The following HEATR3 variants were observed in gnomAD, a reference collection of about 807,000 sequenced individuals.
The protein encoded by HEATR3 is HEAT repeat-containing protein 3.
A neutral mutation model predicts 72.8 loss-of-function variants in HEATR3; 56 were observed. The ratio of observed to expected loss-of-function variants is 0.77; its 90% confidence interval spans 0.62 to 0.96. The LOEUF (loss-of-function observed/expected upper bound fraction) is 0.96. HEATR3 is among the 40% of genes least tolerant of loss of function. The probability of loss-of-function intolerance (pLI) is 0.00; values close to 1 mark genes in which losing one functional copy is unlikely to be tolerated. For missense variants in HEATR3, 747 were observed against 831.4 expected (o/e 0.90, Z 1.25); for synonymous variants, 331 against 318.1 (o/e 1.04, Z -0.43).
At chr16:50,082,745 G>C (rs1597153381) in intron 7 of HEATR3, among the ~76,000 whole-genome samples, 1 of 130,658 alleles carries the variant, frequency 7.7e-6, no homozygotes, top group Non-Finnish European at 1.6e-5. Context: ...AATATACTGA[G>C]ACCCCATCTC....
Position 50,078,907 on chromosome 16 carries a change from G to GAAA in HEATR3, c.930_931insAAA (p.Glu310_Glu311insLys). 1 of 1,614,040 alleles carries GAAA rather than the reference G, an allele frequency of 6.2e-7. No individual in the cohort carries two copies. The highest frequency in any genetic ancestry group is 8.5e-7 in the Non-Finnish European group (1 of 1,180,012). ...GGTTAAAAACTGCTGCAGAGGCTGA[G>GAAA]GAAATATTAGAGAACACTAATGGGG... On this transcript the variant is annotated inframe_insertion, in exon 7 of 15. Transcript: ENST00000299192.
At chr16:50,104,038 A>G (rs997214936) in intron 14 of HEATR3, among the ~76,000 whole-genome samples, 1 of 151,330 alleles carries the variant, frequency 6.6e-6, no homozygotes, top group African/African-American at 2.4e-5. Context: ...CTCTATTAAA[A>G]ACAAAAAACA....
At chr16:50,092,436 C>CTTTTTTCTTTT (rs55971965) in intron 11 of HEATR3, among the ~76,000 whole-genome samples, 9 of 106,028 alleles carry the variant, frequency 8.5e-5, no homozygotes, top group Non-Finnish European at 1.2e-4. Flanking sequence ...TTTCTTTTTT[C>CTTTTTTCTTTT]TTTTTTTTTT....
Position 50,066,368 on chromosome 16 carries a change from TC to T in HEATR3, c.142del (p.Gln48SerfsTer42). ...GACCCTTTTCGCTCTCATCCGCAGC[TC>T]CAGCACCCGAGCGCCGAGGTCCGCG... ...DGPAAELLEK[L>X]QHPSAEVREC... On this transcript the variant is annotated frameshift_variant and splice_region_variant, in exon 2 of 15. Coordinates refer to ENST00000299192, the MANE Select transcript of HEATR3 (RefSeq NM_182922.4). LOFTEE classifies it high-confidence loss of function. 1 of 1,549,116 alleles carries T rather than the reference TC, an allele frequency of 6.5e-7. No homozygotes were observed. The highest frequency in any genetic ancestry group is 8.6e-7 in the Non-Finnish European group (1 of 1,158,736).
At chr16:50,070,490 G>A (rs373542789) in intron 4 of HEATR3, among the ~76,000 whole-genome samples, 200 bp downstream of exon 4, 2 of 151,976 alleles carry the variant, frequency 1.3e-5, no homozygotes, top group Admixed American at 6.6e-5. Flanking sequence ...ACTTGAGGTC[G>A]GGAGTTTGAG....
intron 14 of HEATR3, 28 bp from the exon 15 acceptor site, chr16:50,104,909 CAT>C: frequency 6.5e-7 from 1 of 1,540,270 alleles, no homozygotes; most frequent in Non-Finnish European, 8.8e-7. Context: ...TCTACCAAGT[CAT>C]ATATGATTTT....
At chr16:50,104,460 A>C (rs906366704) in intron 14 of HEATR3, among the ~76,000 whole-genome samples, 1 of 151,972 alleles carries the variant, frequency 6.6e-6, no homozygotes, top group Non-Finnish European at 1.5e-5. Flanking sequence ...GAACTCCTGG[A>C]CTCAAGCAAA....
chr16:50,079,579 C>T (rs2036820333), intron 7 of HEATR3, among the ~76,000 whole-genome samples: 1 of 152,208 alleles, frequency 6.6e-6, no homozygotes, highest in Admixed American at 6.5e-5. Context: ...GGGGAACAAT[C>T]TTGGGTGCAG....
At chr16:50,087,855 G>T (rs569970010) in intron 11 of HEATR3, among the ~76,000 whole-genome samples, 1 of 152,134 alleles carries the variant, frequency 6.6e-6, no homozygotes, top group Non-Finnish European at 1.5e-5. Flanking sequence ...GGCCAGGCGC[G>T]GTGGCTCACA....
At chr16:50,072,756 C>T (rs771609451) in intron 5 of HEATR3, 42 bp downstream of exon 5, 1 of 1,260,824 alleles carries the variant, frequency 7.9e-7, no homozygotes, top group East Asian at 2.3e-5. Flanking sequence ...AATGTGTAGC[C>T]TTATTCAAAA....
intron 7 of HEATR3, among the ~76,000 whole-genome samples, chr16:50,080,770 C>A (rs546223399): frequency 6.6e-6 from 1 of 152,188 alleles, no homozygotes; most frequent in Non-Finnish European, 1.5e-5. Flanking sequence ...GGTACCCAAC[C>A]TGTTTCATAC....
intron 4 of HEATR3, among the ~76,000 whole-genome samples, chr16:50,071,714 G>T (rs1409098079): frequency 6.6e-6 from 1 of 152,142 alleles, no homozygotes; most frequent in African/African-American, 2.4e-5. Context: ...GTAGATAGAA[G>T]ATATGAAATA....
intron 7 of HEATR3, chr16:50,080,151 A>G (rs1013672744): frequency 1.3e-5 from 2 of 152,192 alleles, no homozygotes; most frequent in Non-Finnish European, 2.9e-5. Flanking sequence ...GGAGGCAATC[A>G]TGTCCTCTCA....
intron 4 of HEATR3, among the ~76,000 whole-genome samples, chr16:50,071,380 G>A (rs1477164931): frequency 6.6e-6 from 1 of 152,162 alleles, no homozygotes; most frequent in African/African-American, 2.4e-5. Flanking sequence ...AGAAATATTA[G>A]AGAGATCAGA....
At chr16:50,076,127 A>G (rs910942264) in intron 6 of HEATR3, among the ~76,000 whole-genome samples, 13 of 150,516 alleles carry the variant, frequency 8.6e-5, no homozygotes, top group Admixed American at 7.3e-4. Flanking sequence ...TTATGTATCT[A>G]TTTTCTTCTT....
chr16:50,065,985 CGCCTGCGCACG>C lies in HEATR3; in HGVS notation c.-144_-134del, dbSNP rs2036475453. On this transcript the variant is annotated 5_prime_UTR_variant, in exon 1 of 15. Transcript: ENST00000299192. ...CCGACCCGGCAGACGACGCGCCGTG[CGCCTGCGCACG>C]GCTTGCCCATGTGTGCTGCAGCCGT... 1 of 272,462 alleles carries C rather than the reference CGCCTGCGCACG, an allele frequency of 3.7e-6. No individual in the cohort carries two copies. Among genetic ancestry groups the C allele is most frequent in the East Asian group, 2.1e-4 (1 of 4,720 alleles). The allele number at this position is 272,462 out of a possible 1,614,324, so 16.9% of individuals were successfully genotyped here.
In HEATR3 at chr16:50,089,917, G is replaced by A. The variant is rs534767149; in HGVS notation, c.1510+3566G>A. 5.9e-5 allele frequency among the ~76,000 whole-genome samples: 9 copies of A among 152,096 alleles called. No individual in the cohort carries two copies. The East Asian group carries it at 9.7e-4, about 16-fold the overall frequency. On this transcript the variant is annotated intron_variant, in intron 11 of 14. Coordinates refer to ENST00000299192, the MANE Select transcript of HEATR3 (RefSeq NM_182922.4). ...CCTGACCTTGTGATCCACCCGCCTC[G>A]ACCTCCCAAAGTGCTGGGATTACAG...
intron 10 of HEATR3, among the ~76,000 whole-genome samples, chr16:50,085,184 ATAT>A (rs939045481): frequency 1.3e-5 from 2 of 151,562 alleles, no homozygotes; most frequent in Admixed American, 6.6e-5. Context: ...GGGAGGTGGG[ATAT>A]TATATGGAAG....
rs2036929453 is a variant in HEATR3, at chr16:50,083,995, T to C, written c.1100T>C (p.Leu367Pro). Residue 367 changes from leucine (L) to proline (P), a missense_variant, in exon 8 of 15, where the codon CTG (leucine) becomes CCG (proline). By Grantham distance (98) the Leu-to-Pro change is moderately conservative (BLOSUM62 -3). Transcript: ENST00000299192. ...TTGCTGACAGCCCAACAGACTGCTC[T>C]GGAAATTATTGTCAACATGTGCTGC... ...IALLTAQQTA[L>P]EIIVNMCCNE... 4 of 1,613,944 alleles carry C rather than the reference T, an allele frequency of 2.5e-6. No individual in the cohort carries two copies. Among genetic ancestry groups the C allele is most frequent in the Non-Finnish European group, 3.4e-6 (4 of 1,180,010 alleles).
Sources: allele counts gnomAD v4.1 joint callset (sites outside exome capture counted in the v4.1 genomes callset), GRCh38; gene constraint gnomAD v4.1.1; transcripts MANE v1.5; gene names NCBI Gene and HGNC (gene_info 2026-07-23, HGNC 2026-07-21).